SREK1IP1: variants seen among roughly 807,000 people sequenced by gnomAD.
SREK1IP1 encodes protein SREK1IP1.
A neutral mutation model predicts 22.8 loss-of-function variants in SREK1IP1; 12 were observed. The observed-to-expected ratio is 0.53, with a 90% CI of 0.34 to 0.85. The LOEUF (loss-of-function observed/expected upper bound fraction) is 0.85, where lower values mean the gene tolerates loss of function less well. Ranked by LOEUF, SREK1IP1 falls within the 40% of genes least tolerant of loss-of-function variation. The pLI, the probability that SREK1IP1 is intolerant of heterozygous loss-of-function variation, is 0.02. For synonymous variants in SREK1IP1, 53 were observed against 52.7 expected (o/e 1.01, Z -0.02); for missense variants, 147 against 171.8 (o/e 0.86, Z 0.81).
At chr5:64,768,061 A>C (rs756573153) in intron 1 of SREK1IP1, among the ~76,000 whole-genome samples, 11 of 152,180 alleles carry the variant, frequency 7.2e-5, no homozygotes, top group Non-Finnish European at 1.5e-4. Flanking sequence ...ATACAACAGG[A>C]AGAGCTAGGA....
intron 2 of SREK1IP1, among the ~76,000 whole-genome samples, chr5:64,749,716 C>T (rs1453671605): frequency 6.6e-6 from 1 of 152,216 alleles, no homozygotes; most frequent in Non-Finnish European, 1.5e-5. Flanking sequence ...GCTAGGATTA[C>T]AGGCATGAGC....
chr5:64,728,223 A>G (rs757575930), intron 3 of SREK1IP1, 44 bp from the exon 4 acceptor site: 1 of 1,293,826 alleles, frequency 7.7e-7, no homozygotes, highest in Non-Finnish European at 1.0e-6. Context: ...TTAATATATG[A>G]TTCTATATAT....
intron 2 of SREK1IP1, among the ~76,000 whole-genome samples, chr5:64,746,705 G>T (rs1319773468): frequency 6.6e-6 from 1 of 152,142 alleles, no homozygotes; most frequent in East Asian, 1.9e-4. Context: ...AAATGTGTGG[G>T]TTTTTTCCAC....
chr5:64,745,914 C>G (rs188027), intron 2 of SREK1IP1, among the ~76,000 whole-genome samples: 1 of 151,758 alleles, frequency 6.6e-6, no homozygotes, highest in African/African-American at 2.4e-5. Context: ...AATGTTCTTA[C>G]AGCAAACAAT....
At chr5:64,733,936 C>G (rs1445440413) in intron 3 of SREK1IP1, among the ~76,000 whole-genome samples, 2 of 151,890 alleles carry the variant, frequency 1.3e-5, no homozygotes, top group Non-Finnish European at 2.9e-5. Flanking sequence ...AAATAGAGAG[C>G]AAAGTTTTGG....
Position 64,724,497 on chromosome 5 carries a change from T to C in SREK1IP1, c.355A>G (p.Lys119Glu). 6.3e-7 allele frequency: 1 copy of C among 1,591,374 alleles called. No individual in the cohort carries two copies. The highest frequency in any genetic ancestry group is 8.5e-7 in the Non-Finnish European group (1 of 1,174,162). The change falls in exon 5 of 5, where the codon AAA becomes GAA. Residue 119 changes from lysine (K) to glutamate (E), a missense_variant. Coordinates refer to ENST00000513458, the MANE Select transcript of SREK1IP1 (RefSeq NM_173829.4). Reference protein sequence around the residue: ...KQKYQKKEKKKEKKSKSKKGK... With the variant: ...KQKYQKKEKKEEKKSKSKKGK... ...TTTTTTGATTTACTCTTTTTTTCTT[T>C]TTTCTTTTCTTTCTTCTGATATTTT...
intron 1 of SREK1IP1, among the ~76,000 whole-genome samples, chr5:64,755,265 TC>T (rs1415862282): frequency 6.6e-6 from 1 of 150,590 alleles, no homozygotes; most frequent in African/African-American, 2.4e-5. Context: ...TGCACTCACA[TC>T]TTCATTGCAG....
intron 3 of SREK1IP1, among the ~76,000 whole-genome samples, chr5:64,730,918 C>T (rs966292224): frequency 2.0e-5 from 3 of 151,558 alleles, no homozygotes; most frequent in African/African-American, 7.3e-5. Context: ...AAGGCAGTTA[C>T]AGATATTTGC....
intron 3 of SREK1IP1, 111 bp from the exon 4 acceptor site, chr5:64,728,290 G>T: frequency 1.0e-6 from 1 of 1,004,354 alleles, no homozygotes. Flanking sequence ...CACTGGTTAG[G>T]ATAATTTTTG....
chr5:64,729,140 AT>A (rs1456568081), intron 3 of SREK1IP1, among the ~76,000 whole-genome samples: 1 of 152,258 alleles, frequency 6.6e-6, no homozygotes, highest in Admixed American at 6.5e-5. Flanking sequence ...AGTTTGTCTC[AT>A]AAAATCCTAG....
intron 1 of SREK1IP1, among the ~76,000 whole-genome samples, chr5:64,755,535 A>G (rs1194307115): frequency 6.6e-6 from 1 of 152,156 alleles, no homozygotes; most frequent in Non-Finnish European, 1.5e-5. Context: ...AAAGATGACA[A>G]TAACAGATAC....
chr5:64,735,811 C>T (rs1031174662), intron 3 of SREK1IP1, among the ~76,000 whole-genome samples: 1 of 151,908 alleles, frequency 6.6e-6, no homozygotes, highest in Non-Finnish European at 1.5e-5. Context: ...TCTCAAATAA[C>T]CAGTTTTTGG....
At chr5:64,759,854 G>C (rs1260495874) in intron 1 of SREK1IP1, among the ~76,000 whole-genome samples, 1 of 152,112 alleles carries the variant, frequency 6.6e-6, no homozygotes, top group Non-Finnish European at 1.5e-5. Flanking sequence ...GGAAGTGTAG[G>C]GGGGCATACT....
At chr5:64,762,281 C>T (rs1742964144) in intron 1 of SREK1IP1, among the ~76,000 whole-genome samples, 2 of 152,098 alleles carry the variant, frequency 1.3e-5, no homozygotes, top group Admixed American at 1.3e-4. Context: ...TTAGAAATTG[C>T]AATTACTTCT....
intron 2 of SREK1IP1, 41 bp from the exon 3 acceptor site, chr5:64,741,241 T>C (rs1269139266): frequency 2.5e-6 from 4 of 1,568,898 alleles, no homozygotes; most frequent in African/African-American, 2.7e-5. Context: ...GATAAAACTA[T>C]AGATACATTA....
At position 64,724,473 on chromosome 5, in the gene SREK1IP1, T is replaced by G; in HGVS notation, c.379A>C (p.Lys127Gln). Residue 127 changes from lysine to glutamine, a missense_variant, in exon 5 of 5, where the codon AAA (lysine) becomes CAA (glutamine). Lys to Gln is a moderately conservative substitution (Grantham distance 53). This residue lies in a region of SREK1IP1 where 82 missense variants were observed against 81.7 expected (regional missense o/e 1.00). Transcript: ENST00000513458. ...TTTTCCTTTTTGTGATGTTTCCCTT[T>G]TTTTGATTTACTCTTTTTTTCTTTT... ...KKKEKKSKSK[K>Q]GKHHKKEKKK... The G allele has an allele frequency of 6.3e-7, 1 of 1,593,962 alleles. No individual in the cohort carries two copies.
At chr5:64,724,634 T>C (rs1168094685) in intron 4 of SREK1IP1, 61 bp from the exon 5 acceptor site, 1 of 1,317,662 alleles carries the variant, frequency 7.6e-7, no homozygotes, top group Non-Finnish European at 1.0e-6. Flanking sequence ...TAAATTTAAG[T>C]GGGATTTGAA....
intron 2 of SREK1IP1, among the ~76,000 whole-genome samples, chr5:64,752,884 C>T (rs942127522): frequency 4.6e-5 from 7 of 152,078 alleles, no homozygotes; most frequent in African/African-American, 1.7e-4. Context: ...AAATTTAACA[C>T]AGAAGGGAAA....
At position 64,768,525 on chromosome 5, in the gene SREK1IP1, G is replaced by T. The variant is rs779895012; in HGVS notation, c.-8C>A. 26 of 1,614,044 alleles carry T rather than the reference G, an allele frequency of 1.6e-5. No individual in the cohort carries two copies. The highest frequency in any genetic ancestry group is 1.7e-5 in the Non-Finnish European group (20 of 1,180,024). ...CTTACCTGGGACTGCCATGACGGTG[G>T]TAAGAGGGGTAACTCGAGCCTCTGG... On this transcript the variant is annotated 5_prime_UTR_variant, in exon 1 of 5. Transcript: ENST00000513458.
Sources: allele counts gnomAD v4.1 joint callset (sites outside exome capture counted in the v4.1 genomes callset), GRCh38; gene constraint gnomAD v4.1.1; regional missense constraint gnomAD v4.1.1; transcripts MANE v1.5; gene names NCBI Gene and HGNC (gene_info 2026-07-23, HGNC 2026-07-21).